Variants in C17orf99 observed in about 807,000 individuals in gnomAD.
The protein encoded by C17orf99 is chromosome 17 open reading frame 99, also known as protein IL-40.
A neutral mutation model predicts 22.6 loss-of-function variants in C17orf99; 18 were observed. The ratio of observed to expected loss-of-function variants is 0.80; its 90% confidence interval spans 0.55 to 1.18. The LOEUF is 1.18. Ranked by LOEUF, C17orf99 falls within the 50% of genes most tolerant of loss-of-function variation. The pLI is 0.00. For missense variants in C17orf99, 328 were observed against 342.7 expected, an observed-to-expected ratio of 0.96 and a Z score of 0.34; for synonymous variants, 147 against 136.6, an observed-to-expected ratio of 1.08 and a Z score of -0.53.
At position 78,159,714 on chromosome 17, in the gene C17orf99, C is replaced by CAGTT. The variant is rs140060348; in HGVS notation, c.71-1239_71-1236dup. On this transcript the variant is annotated intron_variant, in intron 2 of 4. Coordinates refer to ENST00000340363, the MANE Select transcript of C17orf99 (RefSeq NM_001163075.2). ...AAAAGGAAACCCCGTATCTATTAGG[C>CAGTT]AGTTACTCCCCATTTCCCCCTCCCC... Among the ~76,000 whole-genome samples the CAGTT allele has an allele frequency of 1.3e-3, 204 of 152,172 alleles. 2 individuals are homozygous for CAGTT. The highest frequency in any genetic ancestry group is 4.4e-3 in the African/African-American group (183 of 41,516).
chr17:78,164,895 G>A (rs2075606850), intron 4 of C17orf99: 1 of 1,171,592 alleles, frequency 8.5e-7, no homozygotes, highest in East Asian at 6.4e-5. Context: ...ACCCTGACCA[G>A]TGCTCCCAGG....
intron 2 of C17orf99, chr17:78,157,377 A>C: frequency 9.0e-7 from 1 of 1,110,436 alleles, no homozygotes; most frequent in Non-Finnish European, 1.3e-6. Context: ...GCCAGTGGAC[A>C]GGGTTGAGTC....
At chr17:78,157,329 AGCGGCG>A (rs60502457) in intron 2 of C17orf99, 41 of 594,778 alleles carry the variant, frequency 6.9e-5, no homozygotes, top group East Asian at 4.7e-4. Flanking sequence ...TGTGTTCAGC[AGCGGCG>A]GCGGCGGCGG....
rs532705146 is a variant in C17orf99 at position 78,153,918 on chromosome 17, CTTTTTT to C, written c.71-7017_71-7012del. 6.7e-4 allele frequency among the ~76,000 whole-genome samples: 53 copies of C among 79,544 alleles called. 1 individual carries two copies. The highest frequency in any genetic ancestry group is 2.0e-3 in the East Asian group (5 of 2,450). 52.2% of individuals were successfully genotyped at this position (79,544 alleles called of 152,430 possible). On this transcript the variant is annotated intron_variant, in intron 2 of 4. Transcript: ENST00000340363. ...TAGGGAAAAAAAAAAAGTATTCCTTCTTTTTTTTTTTTTTTTTTTTTTTTTGAGACA... is the reference window on the plus strand; with the variant it reads ...TAGGGAAAAAAAAAAAGTATTCCTTCTTTTTTTTTTTTTTTTTTTGAGACA...
intron 2 of C17orf99, among the ~76,000 whole-genome samples, chr17:78,156,578 T>C (rs1049653125): frequency 1.3e-5 from 2 of 152,140 alleles, no homozygotes; most frequent in Non-Finnish European, 2.9e-5. Context: ...GCTGGTCTCC[T>C]GCAGGAGCCT....
chr17:78,166,158 A>G lies in C17orf99; in HGVS notation c.*112A>G. ...TGTGTTTTAGCTGCTCTTGCCACAA[A>G]AAAAAAAAAAAAAAAAAAAGGGTAA... On this transcript the variant is annotated 3_prime_UTR_variant, in exon 5 of 5. Transcript: ENST00000340363. 2 of 167,288 alleles carry G rather than the reference A, an allele frequency of 1.2e-5. No individual in the cohort carries two copies. The highest frequency in any genetic ancestry group is 2.5e-5 in the African/African-American group (1 of 39,678). 10.4% of individuals were successfully genotyped at this position (167,288 alleles called of 1,614,324 possible). A position where few individuals can be genotyped will look rare whatever the true frequency, so the allele number is the denominator to read the frequency against.
chr17:78,157,694 G>C (rs1169214481), intron 2 of C17orf99: 1 of 444,648 alleles, frequency 2.2e-6, no homozygotes, highest in African/African-American at 2.1e-5. Flanking sequence ...CTACTCTGGA[G>C]GCTGAGGCAG....
chr17:78,162,315 G>A (rs980242076), intron 3 of C17orf99, among the ~76,000 whole-genome samples: 2 of 148,818 alleles, frequency 1.3e-5, no homozygotes, highest in Non-Finnish European at 3.0e-5. Context: ...CCACATGGCT[G>A]GCAAGTGGCC....
intron 2 of C17orf99, among the ~76,000 whole-genome samples, chr17:78,152,629 C>T (rs2145777189): frequency 7.4e-6 from 1 of 134,346 alleles, no homozygotes; most frequent in African/African-American, 3.2e-5. Flanking sequence ...GCCACTGCAC[C>T]CAGCCAATTT....
rs771602535 is a variant in C17orf99, at chr17:78,166,036, C to G, written c.788C>G (p.Ala263Gly). 26 of 1,364,660 alleles carry G rather than the reference C, an allele frequency of 1.9e-5. No homozygotes were observed. Among genetic ancestry groups the G allele is most frequent in the Non-Finnish European group, 2.4e-5 (25 of 1,024,842 alleles). The allele number at this position is 1,364,660 out of a possible 1,614,324, so 84.5% of individuals were successfully genotyped here. A position where few individuals can be genotyped will look rare whatever the true frequency, so the allele number is the denominator to read the frequency against. Residue 263 changes from alanine to glycine, a missense_variant, in exon 5 of 5, where the codon GCA becomes GGA. By Grantham distance (60) the Ala-to-Gly change is moderately conservative. Transcript: ENST00000340363. ...GGGGAGGTCAGAGGACGCAAAGCAG[C>G]AGCCATGTAGAATGAACCGTCCAGA... ...GNGEVRGRKA[A>G]AM
chr17:78,147,557 C>T (rs541340589), intron 2 of C17orf99, among the ~76,000 whole-genome samples: 1 of 151,812 alleles, frequency 6.6e-6, no homozygotes, highest in African/African-American at 2.4e-5. Context: ...TTTCTGCCTG[C>T]ACTTTCTTGC....
Position 78,157,537 on chromosome 17 carries a change from G to A in C17orf99, c.71-3418G>A, listed in dbSNP as rs531906255. The stretch of plus-strand genomic sequence containing the variant: ...TTGTAGGCCGGGCGCGGTGGCTCAC[G>A]CCCGTAATCCCATCACTTTGGAAGA... On this transcript the variant is annotated intron_variant, in intron 2 of 4. Coordinates refer to ENST00000340363, the MANE Select transcript of C17orf99 (RefSeq NM_001163075.2). 149 of 927,652 alleles carry A rather than the reference G, an allele frequency of 1.6e-4. 1 individual carries two copies. In the African/African-American group the frequency reaches 1.8e-3, roughly 11 times the overall value. The allele number at this position is 927,652 out of a possible 1,614,324, so 57.5% of individuals were successfully genotyped here. A position where few individuals can be genotyped will look rare whatever the true frequency, so the allele number is the denominator to read the frequency against.
chr17:78,155,731 A>C (rs1456959926), intron 2 of C17orf99, among the ~76,000 whole-genome samples: 1 of 151,892 alleles, frequency 6.6e-6, no homozygotes, highest in Non-Finnish European at 1.5e-5. Flanking sequence ...GGTTCAAGTG[A>C]TTCTCTGGCC....
At position 78,164,108 on chromosome 17, in the gene C17orf99, G is replaced by A. The variant is rs764013215; in HGVS notation, c.384G>A (p.Glu128=). The A allele has an allele frequency of 5.2e-5, 81 of 1,551,654 alleles. No individual in the cohort carries two copies. Among genetic ancestry groups the A allele is most frequent in the Non-Finnish European group, 6.5e-5 (75 of 1,147,026 alleles). The change falls in exon 4 of 5, where the codon GAG becomes GAA. Residue 128 remains glutamate, a synonymous_variant. Transcript: ENST00000340363. ...CCACCCTGCCAGAGCCAGTGTCTGA[G>A]CTGCGGGCCAACTTCACTCTGCAGG... is the stretch of plus-strand genomic sequence containing the variant. The part of the protein sequence containing the change: ...HWELWSKPVS[E]LRANFTLQDR...
rs2075567218 is a variant in C17orf99 at position 78,160,668 on chromosome 17, C to T, written c.71-287C>T. On this transcript the variant is annotated intron_variant, in intron 2 of 4. Coordinates refer to ENST00000340363, the MANE Select transcript of C17orf99 (RefSeq NM_001163075.2). ...CTCGGCTCACTGCCACCTGCCACCT[C>T]CGCCTTCCTGGTTCAAGAGATTCTC... 1.1e-5 allele frequency: 4 copies of T among 377,074 alleles called. No homozygotes were observed. The South Asian group carries it at 1.5e-4, about 14-fold the overall frequency. 23.4% of individuals were successfully genotyped at this position (377,074 alleles called of 1,614,324 possible). A position where few individuals can be genotyped will look rare whatever the true frequency, so the allele number is the denominator to read the frequency against.
At chr17:78,160,308 C>T (rs34701618) in intron 2 of C17orf99, among the ~76,000 whole-genome samples, 6,785 of 152,098 alleles carry the variant, frequency 0.045, 186 homozygotes, top group Middle Eastern at 0.092. Flanking sequence ...GAGGCCAAGG[C>T]GGGTGGATCA....
intron 2 of C17orf99, among the ~76,000 whole-genome samples, chr17:78,159,714 C>T (rs2075558293): frequency 1.3e-5 from 2 of 152,172 alleles, no homozygotes; most frequent in South Asian, 2.1e-4. Context: ...ATCTATTAGG[C>T]AGTTACTCCC....
intron 4 of C17orf99, 184 bp downstream of exon 4, chr17:78,164,548 G>T: frequency 6.5e-7 from 1 of 1,534,262 alleles, no homozygotes; most frequent in South Asian, 1.2e-5. Context: ...CAACCCAGCT[G>T]CCTCCGCCCC....
intron 2 of C17orf99, among the ~76,000 whole-genome samples, chr17:78,159,514 C>T (rs566249962): frequency 4.0e-5 from 6 of 151,166 alleles, no homozygotes; most frequent in Admixed American, 1.3e-4. Context: ...TGGTGGGTGC[C>T]TGTAATCCCA....
Sources: allele counts gnomAD v4.1 joint callset (sites outside exome capture counted in the v4.1 genomes callset), GRCh38; gene constraint gnomAD v4.1.1; transcripts MANE v1.5; gene names NCBI Gene and HGNC (gene_info 2026-07-23, HGNC 2026-07-21).